Variants in KLRG1 observed in about 807,000 individuals in gnomAD.
The protein encoded by KLRG1 is killer cell lectin-like receptor subfamily G member 1.
KLRG1 carries 16 observed loss-of-function variants against 21.8 expected under a neutral mutation model. The ratio of observed to expected loss-of-function variants is 0.73; its 90% confidence interval spans 0.50 to 1.11. The LOEUF is 1.11. Ranked by LOEUF, KLRG1 falls within the 50% of genes most tolerant of loss-of-function variation. KLRG1 has a pLI of 0.00. For synonymous variants in KLRG1, 69 were observed against 75.9 expected (o/e 0.91, Z 0.47); for missense variants, 173 against 218.3 (o/e 0.79, Z 1.31).
At chr12:9,169,029 C>T in the KLRG1 span, 2 of 1,306,602 alleles carry the variant, frequency 1.5e-6, no homozygotes, top group Non-Finnish European at 2.2e-6. Flanking sequence ...ATATATAAAA[C>T]ATATTATCCT....
At chr12:9,154,484 G>T in the KLRG1 span, 1 of 902,876 alleles carries the variant, frequency 1.1e-6, no homozygotes, top group Non-Finnish European at 1.7e-6. Context: ...AAATTCTCAT[G>T]GTCCTCAAAT....
intron 1 of KLRG1, among the ~76,000 whole-genome samples, chr12:8,991,657 T>TAA (rs34418338): frequency 4.6e-5 from 7 of 151,010 alleles, no homozygotes; most frequent in Admixed American, 6.6e-5. Context: ...CCATATCAGT[T>TAA]AAAAAAAAAG....
the KLRG1 span, among the ~76,000 whole-genome samples, chr12:9,038,166 C>T: frequency 1.3e-5 from 2 of 152,146 alleles, no homozygotes; most frequent in Non-Finnish European, 2.9e-5. Context: ...GAGGCTGAGG[C>T]TGGAGACTCG....
chr12:9,164,192 T>A, the KLRG1 span: 153 of 1,609,130 alleles, frequency 9.5e-5, 3 homozygotes, highest in Admixed American at 2.5e-3. Context: ...ACAGATACAA[T>A]AGGATTCTTC....
the KLRG1 span, chr12:9,201,313 T>C: frequency 6.5e-7 from 1 of 1,529,230 alleles, no homozygotes; most frequent in East Asian, 2.3e-5. Context: ...TAAGATACTT[T>C]TTCTGATACT....
chr12:8,989,440 C>CA (rs1592261330), upstream of KLRG1: 5 of 503,566 alleles, frequency 9.9e-6, no homozygotes, highest in Admixed American at 7.9e-5. Flanking sequence ...TGTCATGGGG[C>CA]AAAAAAATAG....
the KLRG1 span, chr12:9,167,534 G>T: frequency 0.11 from 16,737 of 152,080 alleles, 1,061 homozygotes; most frequent in South Asian, 0.24. Flanking sequence ...GGTTCCTTCC[G>T]TTGCCCTCCC....
At chr12:9,128,076 C>T in the KLRG1 span, 1 of 210,600 alleles carries the variant, frequency 4.7e-6, no homozygotes, top group Non-Finnish European at 1.0e-5. Context: ...GATGAGCTGA[C>T]CCCGGCCAGG....
chr12:9,148,771 AC>A, the KLRG1 span: 1 of 514,342 alleles, frequency 1.9e-6, no homozygotes, highest in Non-Finnish European at 3.4e-6. Flanking sequence ...CCAAAATTAA[AC>A]AGAAAGAATA....
intron 3 of KLRG1, among the ~76,000 whole-genome samples, chr12:9,000,229 AAC>A (rs1178630353): frequency 6.6e-6 from 1 of 152,186 alleles, no homozygotes; most frequent in East Asian, 1.9e-4. Context: ...AATGGCTGGA[AAC>A]ACAGCATAGA....
At chr12:9,135,903 A>G in the KLRG1 span, among the ~76,000 whole-genome samples, 164 of 152,338 alleles carry the variant, frequency 1.1e-3, no homozygotes, top group African/African-American at 3.7e-3. Context: ...TCCGTATGTC[A>G]AAGAACCTTT....
the KLRG1 span, chr12:9,066,458 A>G: frequency 6.6e-6 from 1 of 152,442 alleles, no homozygotes; most frequent in Non-Finnish European, 1.5e-5. Flanking sequence ...CAACCTGGGC[A>G]GCAGCTTGTG....
At chr12:9,008,054 C>T (rs1947523211) in intron 3 of KLRG1, among the ~76,000 whole-genome samples, 1 of 152,136 alleles carries the variant, frequency 6.6e-6, no homozygotes, top group African/African-American at 2.4e-5. Flanking sequence ...GGTAACGTGG[C>T]ACACATAAGT....
the KLRG1 span, among the ~76,000 whole-genome samples, chr12:9,023,564 C>T: frequency 4.2e-5 from 6 of 144,398 alleles, no homozygotes; most frequent in Non-Finnish European, 6.1e-5. Context: ...CTTTTTTTTC[C>T]TTTTTTTTTT....
At chr12:8,983,601 A>C (rs1018685830) in intron 1 of KLRG1, among the ~76,000 whole-genome samples, 2 of 151,994 alleles carry the variant, frequency 1.3e-5, no homozygotes, top group Non-Finnish European at 2.9e-5. Context: ...GGGTTTCACC[A>C]TGTTGGCCAG....
the KLRG1 span, chr12:9,112,600 G>T: frequency 6.4e-7 from 1 of 1,570,702 alleles, no homozygotes. Context: ...CCTATTTGCT[G>T]TTGCACTCTT....
At chr12:9,016,311 A>G in the KLRG1 span, among the ~76,000 whole-genome samples, 1 of 152,112 alleles carries the variant, frequency 6.6e-6, no homozygotes, top group South Asian at 2.1e-4. Flanking sequence ...AATCAGAGAT[A>G]AAAAAAGGAG....
intron 3 of KLRG1, among the ~76,000 whole-genome samples, chr12:9,005,286 G>A (rs1029435316): frequency 1.3e-5 from 2 of 152,048 alleles, no homozygotes; most frequent in Admixed American, 1.3e-4. Flanking sequence ...AATCCACCAT[G>A]GCACGTGTAT....
At chr12:8,964,621 A>T (rs1946434971) in intron 1 of KLRG1, among the ~76,000 whole-genome samples, 1 of 151,136 alleles carries the variant, frequency 6.6e-6, no homozygotes, top group Admixed American at 6.6e-5. Context: ...GATCTGTCTA[A>T]TGTTGACAGT....
Sources: allele counts gnomAD v4.1 joint callset (sites outside exome capture counted in the v4.1 genomes callset), GRCh38; gene constraint gnomAD v4.1.1; transcripts MANE v1.5; gene names NCBI Gene and HGNC (gene_info 2026-07-23, HGNC 2026-07-21).